Variants in SHB observed in about 807,000 individuals in gnomAD.
SHB encodes SH2 domain-containing adapter protein B.
A neutral mutation model predicts 52.3 loss-of-function variants in SHB; 20 were observed. The ratio of observed to expected loss-of-function variants is 0.38; its 90% CI spans 0.27 to 0.56. The LOEUF (loss-of-function observed/expected upper bound fraction) is 0.56, where lower values mean the gene tolerates loss of function less well. Among genes scored for constraint, SHB ranks in the 20% least tolerant of loss-of-function variants. The pLI is 0.71. For synonymous variants in SHB, 397 were observed against 316.5 expected (o/e 1.25, Z -2.70); for missense variants, 825 against 723.3 (o/e 1.14, Z -1.61).
chr9:38,068,593 C>A lies in SHB; in HGVS notation c.53G>T (p.Ser18Ile). ...GTCTGGCCGCGGCGGCTGCGGGGGG[C>A]TCTTGGTCTTGCTGTTGCCCAAGCT... ...YFSLGNSKTK[S>I]PPQPPRPDYR... Residue 18 changes from serine (S) to isoleucine (I), a missense_variant, in exon 1 of 6, where the codon AGC becomes ATC. Coordinates refer to ENST00000377707, the MANE Select transcript of SHB (RefSeq NM_003028.3). The A allele has an allele frequency of 6.7e-7, 1 of 1,494,182 alleles. No homozygotes were observed. The highest frequency in any genetic ancestry group is 8.8e-7 in the Non-Finnish European group (1 of 1,133,252). The allele number at this position is 1,494,182 out of a possible 1,614,324, so 92.6% of individuals were successfully genotyped here. A position where few individuals can be genotyped will look rare whatever the true frequency, so the allele number is the denominator to read the frequency against.
At chr9:37,956,124 G>A (rs1369800401) in intron 3 of SHB, 70 bp from the exon 4 acceptor site, 4 of 1,432,828 alleles carry the variant, frequency 2.8e-6, no homozygotes, top group African/African-American at 1.4e-5. Flanking sequence ...GGCACAGAAG[G>A]GTAACGTTCA....
chr9:37,983,080 C>G (rs759262002), intron 2 of SHB, among the ~76,000 whole-genome samples: 18 of 151,960 alleles, frequency 1.2e-4, no homozygotes, highest in Non-Finnish European at 1.9e-4. Flanking sequence ...GAATGAGATG[C>G]AGTCCTGGCC....
intron 1 of SHB, among the ~76,000 whole-genome samples, chr9:38,040,014 G>A (rs1821553658): frequency 6.6e-6 from 1 of 152,236 alleles, no homozygotes; most frequent in Non-Finnish European, 1.5e-5. Flanking sequence ...GTTTACAGCC[G>A]CCTAATTCTT....
At chr9:37,950,670 G>T (rs1832555968) in intron 4 of SHB, among the ~76,000 whole-genome samples, 1 of 152,106 alleles carries the variant, frequency 6.6e-6, no homozygotes, top group Non-Finnish European at 1.5e-5. Flanking sequence ...GCTGCCTGCT[G>T]GCCAGGCAAG....
intron 2 of SHB, among the ~76,000 whole-genome samples, chr9:37,977,538 G>A (rs142479788): frequency 8.5e-5 from 13 of 152,326 alleles, no homozygotes; most frequent in African/African-American, 2.6e-4. Flanking sequence ...TATTAGTTTT[G>A]AGGATGATGC....
At chr9:38,032,465 G>A (rs1821427698) in intron 1 of SHB, among the ~76,000 whole-genome samples, 1 of 152,220 alleles carries the variant, frequency 6.6e-6, no homozygotes, top group Admixed American at 6.5e-5. Flanking sequence ...ACAGGAAGAA[G>A]CAGCAGCTTT....
Position 37,919,702 on chromosome 9 carries a change from A to T in SHB, c.*119T>A. 1 of 742,334 alleles carries T rather than the reference A, an allele frequency of 1.3e-6. No individual in the cohort carries two copies. The highest frequency in any genetic ancestry group is 2.3e-6 in the Non-Finnish European group (1 of 431,684). 46.0% of individuals were successfully genotyped at this position (742,334 alleles called of 1,614,324 possible). A position where few individuals can be genotyped will look rare whatever the true frequency, so the allele number is the denominator to read the frequency against. On this transcript the variant is annotated 3_prime_UTR_variant, in exon 6 of 6. Transcript: ENST00000377707. ...TTCTAGAGACATGCAGTGGTGTGCT[A>T]GTACCATACACACAACACAAACGAC...
intron 5 of SHB, among the ~76,000 whole-genome samples, chr9:37,921,378 G>T (rs887492820): frequency 6.6e-6 from 1 of 152,174 alleles, no homozygotes; most frequent in Admixed American, 6.5e-5. Context: ...TCAGGACTGG[G>T]CTTCCCAAGC....
At chr9:38,042,347 C>G (rs1307980882) in intron 1 of SHB, among the ~76,000 whole-genome samples, 6 of 152,236 alleles carry the variant, frequency 3.9e-5, no homozygotes, top group Admixed American at 6.5e-5. Context: ...CACCTCCAAA[C>G]TGCACACATG....
chr9:38,040,748 G>C (rs1368002050), intron 1 of SHB, among the ~76,000 whole-genome samples: 1 of 152,118 alleles, frequency 6.6e-6, no homozygotes, highest in Non-Finnish European at 1.5e-5. Flanking sequence ...TTGTGGGGAG[G>C]TATAGAGCAA....
chr9:38,013,089 C>T (rs1234266256), intron 2 of SHB, among the ~76,000 whole-genome samples: 1 of 151,992 alleles, frequency 6.6e-6, no homozygotes, highest in East Asian at 1.9e-4. Context: ...GGAGCTTCAG[C>T]AAGGATCGTT....
intron 5 of SHB, among the ~76,000 whole-genome samples, chr9:37,936,389 C>A (rs537404250): frequency 6.6e-6 from 1 of 152,308 alleles, no homozygotes; most frequent in East Asian, 1.9e-4. Context: ...CACACACATG[C>A]GTACATGCAT....
intron 1 of SHB, among the ~76,000 whole-genome samples, chr9:38,040,602 C>A (rs1387894734): frequency 2.0e-5 from 3 of 152,080 alleles, no homozygotes; most frequent in African/African-American, 7.2e-5. Context: ...GCTGGAGTGG[C>A]TGGGAGGGCT....
In SHB at chr9:38,016,077, T is replaced by C; in HGVS notation, c.772A>G (p.Ser258Gly). 6.2e-7 allele frequency: 1 copy of C among 1,614,116 alleles called. No individual in the cohort carries two copies. Among genetic ancestry groups the C allele is most frequent in the Non-Finnish European group, 8.5e-7 (1 of 1,179,928 alleles). ...GCACTCTCCCCCTTTCCTGCTTTGC[T>C]CTTGAGATCATTCTTGGCATCAAAG... ...DPFDAKNDLKSKAGKGESAGY... is the reference protein window; with the variant it reads ...DPFDAKNDLKGKAGKGESAGY... The change falls in exon 2 of 6, where the codon AGC becomes GGC. Residue 258 changes from serine to glycine, a missense_variant. Physicochemically the swap from Ser to Gly is moderately conservative, Grantham distance 56. Transcript: ENST00000377707.
chr9:37,963,527 C>T (rs147422298), intron 3 of SHB, among the ~76,000 whole-genome samples: 1 of 152,118 alleles, frequency 6.6e-6, no homozygotes, highest in Non-Finnish European at 1.5e-5. Flanking sequence ...CACGAATGTA[C>T]AGAGGCAGAG....
intron 5 of SHB, among the ~76,000 whole-genome samples, chr9:37,942,785 C>T (rs924964777): frequency 2.0e-5 from 3 of 152,170 alleles, no homozygotes; most frequent in Non-Finnish European, 2.9e-5. Context: ...AGGGCTGCCT[C>T]GGTCTCCTGG....
At chr9:37,921,089 C>G (rs1424575121) in intron 5 of SHB, among the ~76,000 whole-genome samples, 1 of 152,222 alleles carries the variant, frequency 6.6e-6, no homozygotes, top group East Asian at 1.9e-4. Flanking sequence ...CCTGCCCACT[C>G]AGTTCCACGC....
chr9:38,058,206 C>T (rs1821844907), intron 1 of SHB, among the ~76,000 whole-genome samples: 2 of 152,242 alleles, frequency 1.3e-5, no homozygotes, highest in Admixed American at 1.3e-4. Context: ...GGACCCATCT[C>T]CCATGAGGCC....
At chr9:37,937,533 G>A (rs1243691351) in intron 5 of SHB, among the ~76,000 whole-genome samples, 2 of 152,090 alleles carry the variant, frequency 1.3e-5, no homozygotes, top group Non-Finnish European at 2.9e-5. Flanking sequence ...GATGGAGGCT[G>A]CTCACAGGGG....
Sources: allele counts gnomAD v4.1 joint callset (sites outside exome capture counted in the v4.1 genomes callset), GRCh38; gene constraint gnomAD v4.1.1; transcripts MANE v1.5; gene names NCBI Gene and HGNC (gene_info 2026-07-23, HGNC 2026-07-21).